PRKDC: variants seen among roughly 807,000 people sequenced by gnomAD.
PRKDC encodes the protein protein kinase, DNA-activated, catalytic subunit.
A neutral mutation model predicts 486.9 loss-of-function variants in PRKDC; 82 were observed. That is an observed-to-expected ratio of 0.17 (90% CI 0.14 to 0.20). The LOEUF (loss-of-function observed/expected upper bound fraction) is 0.20, where lower values mean the gene tolerates loss of function less well. PRKDC is among the 10% of genes least tolerant of loss of function. The pLI is 1.00. For missense variants in PRKDC, 4,504 were observed against 5,038.2 expected (o/e 0.89, Z 3.21); for synonymous variants, 1,895 against 1,837.0 (o/e 1.03, Z -0.81).
intron 21 of PRKDC, among the ~76,000 whole-genome samples, chr8:47,920,537 A>T (rs1218298597): frequency 6.6e-6 from 1 of 152,252 alleles, no homozygotes; most frequent in African/African-American, 2.4e-5. Flanking sequence ...CTCCAAAAAT[A>T]AGGAAGTTGA....
chr8:47,869,573 G>A (rs892905922), intron 40 of PRKDC, among the ~76,000 whole-genome samples: 8 of 152,010 alleles, frequency 5.3e-5, no homozygotes, highest in African/African-American at 1.2e-4. Flanking sequence ...CGCTGGCTTC[G>A]AGTGTGACCC....
intron 7 of PRKDC, among the ~76,000 whole-genome samples, chr8:47,946,721 G>A (rs1317287177): frequency 1.3e-5 from 2 of 152,026 alleles, no homozygotes; most frequent in Non-Finnish European, 2.9e-5. Context: ...CCTGTTACAC[G>A]CACAACTGCA....
chr8:47,849,615 G>T, intron 52 of PRKDC, 112 bp from the exon 53 acceptor site: 1 of 1,233,508 alleles, frequency 8.1e-7, no homozygotes, highest in Non-Finnish European at 1.1e-6. Flanking sequence ...GCTCAATGTT[G>T]TCACCTACAA....
At chr8:47,833,708 G>A (rs1463743273) in intron 59 of PRKDC, among the ~76,000 whole-genome samples, 1 of 152,184 alleles carries the variant, frequency 6.6e-6, no homozygotes, top group African/African-American at 2.4e-5. Context: ...GCCCCGAAGC[G>A]TCCCTTCACC....
chr8:47,943,200 T>G lies in PRKDC; in HGVS notation c.966+9A>C. 6.2e-7 allele frequency: 1 copy of G among 1,607,436 alleles called. No homozygotes were observed. Among genetic ancestry groups the G allele is most frequent in the Non-Finnish European group, 8.5e-7 (1 of 1,177,892 alleles). On this transcript the variant is annotated intron_variant, in intron 10 of 85. Coordinates refer to ENST00000314191, the MANE Select transcript of PRKDC (RefSeq NM_006904.7). ...AAATATTGTTAAATGACAGTTGAAT[T>G]TGTGGTACCTGTTTCAGAAAGGATT...
chr8:47,861,801 C>T (rs1396672240), intron 44 of PRKDC, among the ~76,000 whole-genome samples: 1 of 152,256 alleles, frequency 6.6e-6, no homozygotes, highest in Non-Finnish European at 1.5e-5. Context: ...AAAACAACTT[C>T]TGGGATATGT....
chr8:47,848,350 G>A (rs1359222664), intron 54 of PRKDC, among the ~76,000 whole-genome samples: 3 of 152,198 alleles, frequency 2.0e-5, no homozygotes, highest in African/African-American at 7.2e-5. Context: ...GATGCAGCTG[G>A]AGGCCACTGT....
At chr8:47,882,219 TTATC>T (rs2089235842) in intron 36 of PRKDC, 122 bp from the exon 37 acceptor site, 1 of 913,752 alleles carries the variant, frequency 1.1e-6, no homozygotes, top group Non-Finnish European at 1.6e-6. Context: ...TAATAGATGT[TTATC>T]TACTTCAAAA....
intron 14 of PRKDC, among the ~76,000 whole-genome samples, chr8:47,934,374 T>C (rs1202928686): frequency 6.6e-6 from 1 of 152,066 alleles, no homozygotes; most frequent in Non-Finnish European, 1.5e-5. Flanking sequence ...GTCTCTACTC[T>C]AAACACAAAA....
At chr8:47,937,215 C>A (rs1211647523) in intron 11 of PRKDC, among the ~76,000 whole-genome samples, 1 of 151,970 alleles carries the variant, frequency 6.6e-6, no homozygotes, top group Non-Finnish European at 1.5e-5. Context: ...GAGCTGAGAT[C>A]GCGCCACTGC....
In PRKDC at chr8:47,889,063, A is replaced by G; in HGVS notation, c.4231T>C (p.Tyr1411His). The change falls in exon 33 of 86, where the codon TAC becomes CAC. Residue 1411 changes from tyrosine (Y) to histidine (H), a missense_variant. Transcript: ENST00000314191. ...AGATGGGTCTCTAGGATATCTTTGT[A>G]TGGGGACATCTTTAGAGCTTTCATC... ...NLMKALKMSPYKDILETHLRE... is the reference protein window; with the variant it reads ...NLMKALKMSPHKDILETHLRE... 1 of 1,613,904 alleles carries G rather than the reference A, an allele frequency of 6.2e-7. No homozygotes were observed. Among genetic ancestry groups the G allele is most frequent in the Non-Finnish European group, 8.5e-7 (1 of 1,179,874 alleles).
chr8:47,806,585 A>T (rs1355344607), intron 69 of PRKDC, among the ~76,000 whole-genome samples: 1 of 152,224 alleles, frequency 6.6e-6, no homozygotes, highest in Non-Finnish European at 1.5e-5. Flanking sequence ...CTTCTGTAGT[A>T]TGTTTAAAGA....
At chr8:47,816,444 CTTG>C (rs2087448398) in intron 68 of PRKDC, among the ~76,000 whole-genome samples, 1 of 152,140 alleles carries the variant, frequency 6.6e-6, no homozygotes. Context: ...CTGTACTGAT[CTTG>C]TTGTAGAGGT....
rs142685647 is a variant in PRKDC, at chr8:47,826,505, G to T, written c.8783+151C>A. 247 of 769,638 alleles carry T rather than the reference G, an allele frequency of 3.2e-4. 1 individual carries two copies. The African/African-American group carries it at 3.8e-3, about 12-fold the overall frequency. 47.7% of individuals were successfully genotyped at this position (769,638 alleles called of 1,614,324 possible). ...GCAACTGTTCTTGCCTTTGAGAATGGTACTCAGCCTGAAAGACTTTTCTTT... is the reference window on the plus strand; with the variant it reads ...GCAACTGTTCTTGCCTTTGAGAATGTTACTCAGCCTGAAAGACTTTTCTTT... On this transcript the variant is annotated intron_variant, in intron 63 of 85. Coordinates refer to ENST00000314191, the MANE Select transcript of PRKDC (RefSeq NM_006904.7).
intron 48 of PRKDC, among the ~76,000 whole-genome samples, chr8:47,858,188 AC>A (rs931486611): frequency 3.5e-4 from 50 of 143,284 alleles, no homozygotes; most frequent in Non-Finnish European, 6.1e-4. Flanking sequence ...CCCCCGCTCC[AC>A]CCCCCGCTTT....
rs770440841 is a variant in PRKDC at position 47,904,852 on chromosome 8, AATCAACT to A, written c.3042+10_3042+16del. 1.0e-5 allele frequency: 15 copies of A among 1,489,260 alleles called. No individual in the cohort carries two copies. In the South Asian group the frequency reaches 1.7e-4, roughly 17 times the overall value. The allele number at this position is 1,489,260 out of a possible 1,614,324, so 92.3% of individuals were successfully genotyped here. On this transcript the variant is annotated intron_variant, in intron 26 of 85. Coordinates refer to ENST00000314191, the MANE Select transcript of PRKDC (RefSeq NM_006904.7). ...TAATCGATGGGAGTAAGAGGAAAAG[AATCAACT>A]ATTACTTACCAATATAGCTTCTAGT...
At chr8:47,777,156 G>A (rs370796055) in intron 84 of PRKDC, among the ~76,000 whole-genome samples, 173 bp from the exon 85 acceptor site, 28 of 152,048 alleles carry the variant, frequency 1.8e-4, no homozygotes, top group Admixed American at 1.3e-4. Context: ...CACACATCAC[G>A]AGACGAGGGG....
Position 47,953,797 on chromosome 8 carries a change from T to A in PRKDC, c.621+10A>T. The A allele has an allele frequency of 1.3e-6, 2 of 1,572,796 alleles. No homozygotes were observed. The highest frequency in any genetic ancestry group is 1.7e-6 in the Non-Finnish European group (2 of 1,156,886). On this transcript the variant is annotated intron_variant, in intron 6 of 85. Transcript: ENST00000314191. The stretch of plus-strand genomic sequence containing the variant: ...TCTATGGAAGCAGAATGTCATAAAG[T>A]TCATCATACCTGGGTCTTAAGTTCA...
intron 38 of PRKDC, among the ~76,000 whole-genome samples, chr8:47,880,334 A>G (rs1387677698): frequency 6.6e-6 from 1 of 152,218 alleles, no homozygotes; most frequent in Non-Finnish European, 1.5e-5. Context: ...GGAGTTTACA[A>G]CTACACATTG....
Sources: gnomAD v4.1 joint callset for allele counts (sites outside exome capture counted in the v4.1 genomes callset) on GRCh38, gnomAD v4.1.1 for gene constraint, MANE v1.5 for transcripts, NCBI Gene and HGNC (gene_info 2026-07-23, HGNC 2026-07-21) for gene names.